Variants in RNF169 observed in about 807,000 individuals in gnomAD.
The protein encoded by RNF169 is ring finger protein 169.
In RNF169, 24 loss-of-function variants were observed where a neutral mutation model predicts 53.9. That is an observed-to-expected ratio of 0.45 (90% confidence interval 0.32 to 0.63). The LOEUF is 0.63. RNF169 is among the 20% of genes least tolerant of loss of function. The pLI, the probability that RNF169 is intolerant of heterozygous loss-of-function variation, is 0.04. For synonymous variants in RNF169, 396 were observed against 363.5 expected (o/e 1.09, Z -1.02); for missense variants, 883 against 906.2 (o/e 0.97, Z 0.33).
chr11:74,777,851 C>T (rs370235822), intron 1 of RNF169, among the ~76,000 whole-genome samples: 5 of 152,100 alleles, frequency 3.3e-5, no homozygotes, highest in South Asian at 2.1e-4. Flanking sequence ...TGGTCTCAAA[C>T]GGCTAGTCTA....
At chr11:74,796,528 C>T (rs749641991) in intron 2 of RNF169, among the ~76,000 whole-genome samples, 1 of 152,172 alleles carries the variant, frequency 6.6e-6, no homozygotes, top group Non-Finnish European at 1.5e-5. Flanking sequence ...ATTATATACA[C>T]CATTATTTCT....
Position 74,789,705 on chromosome 11 carries a change from G to T in RNF169, c.576+6G>T. 1 of 1,534,090 alleles carries T rather than the reference G, an allele frequency of 6.5e-7. No homozygotes were observed. Among genetic ancestry groups the T allele is most frequent in the East Asian group, 2.2e-5 (1 of 44,478 alleles). On this transcript the variant is annotated splice_donor_region_variant and intron_variant, in intron 2 of 5. Coordinates refer to ENST00000299563, the MANE Select transcript of RNF169 (RefSeq NM_001098638.2). ...AATATGAAAGCTTGAGAAAGGTATA[G>T]TATTATCATGTCATTCATTTTCTTA...
chr11:74,765,534 C>T (rs2035159761), intron 1 of RNF169, among the ~76,000 whole-genome samples: 1 of 152,144 alleles, frequency 6.6e-6, no homozygotes, highest in Non-Finnish European at 1.5e-5. Context: ...GGTGCGGTGG[C>T]TCACGCCTGC....
chr11:74,820,669 C>T (rs2035997970), intron 4 of RNF169, among the ~76,000 whole-genome samples: 1 of 151,992 alleles, frequency 6.6e-6, no homozygotes, highest in African/African-American at 2.4e-5. Context: ...TACCAGCCTG[C>T]TTATTAAGAG....
At chr11:74,797,961 G>A (rs184791988) in intron 2 of RNF169, among the ~76,000 whole-genome samples, 56 of 152,174 alleles carry the variant, frequency 3.7e-4, no homozygotes, top group African/African-American at 1.3e-3. Context: ...CATAAGTTTC[G>A]AAGATTTCAT....
At chr11:74,793,938 A>C (rs1396899520) in intron 2 of RNF169, among the ~76,000 whole-genome samples, 5 of 152,180 alleles carry the variant, frequency 3.3e-5, no homozygotes, top group Admixed American at 2.6e-4. Context: ...TTACTTATGC[A>C]TGCAGACACA....
At chr11:74,785,322 ATATT>A (rs1395740821) in intron 1 of RNF169, among the ~76,000 whole-genome samples, 1 of 145,818 alleles carries the variant, frequency 6.9e-6, no homozygotes, top group African/African-American at 2.5e-5. Context: ...TATGTTATAT[ATATT>A]ATATATAAAA....
rs548381065 is a variant in RNF169 at position 74,841,611 on chromosome 11, CTG to C, written c.*4883_*4884del. The C allele has an allele frequency of 5.9e-5, 9 of 152,288 alleles. No homozygotes were observed. The South Asian group carries it at 1.7e-3, about 28-fold the overall frequency. The allele number at this position is 152,288 out of a possible 1,614,324, so 9.4% of individuals were successfully genotyped here. A position where few individuals can be genotyped will look rare whatever the true frequency, so the allele number is the denominator to read the frequency against. ...TTTTAAGTAAGGTGGCAACTTTTAACTGTCATCTTGTGAGAGGCAACCTCAAA... is the reference window on the plus strand; with the variant it reads ...TTTTAAGTAAGGTGGCAACTTTTAACTCATCTTGTGAGAGGCAACCTCAAA... On this transcript the variant is annotated 3_prime_UTR_variant, in exon 6 of 6. Coordinates refer to ENST00000299563, the MANE Select transcript of RNF169 (RefSeq NM_001098638.2).
At chr11:74,769,069 A>G (rs570058980) in intron 1 of RNF169, among the ~76,000 whole-genome samples, 4 of 152,260 alleles carry the variant, frequency 2.6e-5, no homozygotes, top group African/African-American at 9.6e-5. Context: ...AGAAACAGAA[A>G]AAGAGATTAA....
chr11:74,792,112 A>G (rs528882713), intron 2 of RNF169, among the ~76,000 whole-genome samples: 2 of 152,330 alleles, frequency 1.3e-5, no homozygotes, highest in Non-Finnish European at 2.9e-5. Flanking sequence ...TCAGATGTTG[A>G]CCTGAATCTT....
At chr11:74,834,617 T>A in intron 4 of RNF169, 59 bp from the exon 5 acceptor site, 1 of 1,247,574 alleles carries the variant, frequency 8.0e-7, no homozygotes, top group Non-Finnish European at 1.1e-6. Flanking sequence ...TGTCATCCTT[T>A]TTCCTTACCT....
chr11:74,834,623 T>C, intron 4 of RNF169, 53 bp from the exon 5 acceptor site: 1 of 1,298,334 alleles, frequency 7.7e-7, no homozygotes, highest in Non-Finnish European at 1.1e-6. Flanking sequence ...CCTTTTTCCT[T>C]ACCTATATAT....
In RNF169 at chr11:74,841,295, G is replaced by A. The variant is rs1369426045; in HGVS notation, c.*4565G>A. On this transcript the variant is annotated 3_prime_UTR_variant, in exon 6 of 6. Transcript: ENST00000299563. ...ATTCTCAAAAGAGAAAGCAGGTCTG[G>A]GGCGGGGTGGTCAGGAGACAGATTC... 6.6e-6 allele frequency: 1 copy of A among 152,162 alleles called. No individual in the cohort carries two copies. The highest frequency in any genetic ancestry group is 1.9e-4 in the East Asian group (1 of 5,194). 9.4% of individuals were successfully genotyped at this position (152,162 alleles called of 1,614,324 possible). A position where few individuals can be genotyped will look rare whatever the true frequency, so the allele number is the denominator to read the frequency against.
intron 2 of RNF169, among the ~76,000 whole-genome samples, chr11:74,793,241 G>A (rs2035603888): frequency 6.6e-6 from 1 of 152,212 alleles, no homozygotes; most frequent in Non-Finnish European, 1.5e-5. Flanking sequence ...GGGATTAGCA[G>A]TAAATGGGAA....
At chr11:74,775,263 G>A (rs2035316338) in intron 1 of RNF169, among the ~76,000 whole-genome samples, 1 of 152,096 alleles carries the variant, frequency 6.6e-6, no homozygotes, top group Admixed American at 6.5e-5. Flanking sequence ...CACCTGTGGA[G>A]GTATTGATCT....
In RNF169 at chr11:74,764,101, A is replaced by G. The variant is rs570743233; in HGVS notation, c.502+14719A>G. Among the ~76,000 whole-genome samples the G allele has an allele frequency of 7.9e-5, 12 of 152,366 alleles. No individual in the cohort carries two copies. In the South Asian group the frequency reaches 2.3e-3, roughly 29 times the overall value. ...TTCAGAACACCAAAGACTATTAAGT[A>G]TAACCAAAAATGAAAGACAGAGGAG... On this transcript the variant is annotated intron_variant, in intron 1 of 5. Coordinates refer to ENST00000299563, the MANE Select transcript of RNF169 (RefSeq NM_001098638.2).
At chr11:74,776,835 C>T (rs528790899) in intron 1 of RNF169, among the ~76,000 whole-genome samples, 66 of 152,178 alleles carry the variant, frequency 4.3e-4, no homozygotes, top group African/African-American at 1.5e-3. Context: ...CTAGTGGAGG[C>T]AGGATATGGC....
chr11:74,783,768 G>C (rs141041829), intron 1 of RNF169, among the ~76,000 whole-genome samples: 320 of 152,264 alleles, frequency 2.1e-3, no homozygotes, highest in African/African-American at 5.4e-3. Context: ...GGTGGAGGAA[G>C]CTGACATGTG....
intron 1 of RNF169, among the ~76,000 whole-genome samples, chr11:74,778,702 A>T (rs2035372994): frequency 6.6e-6 from 1 of 152,068 alleles, no homozygotes; most frequent in South Asian, 2.1e-4. Context: ...TTATCTAACA[A>T]CCGCCACCTG....
Sources: allele counts gnomAD v4.1 joint callset (sites outside exome capture counted in the v4.1 genomes callset), GRCh38; gene constraint gnomAD v4.1.1; transcripts MANE v1.5; gene names NCBI Gene and HGNC (gene_info 2026-07-23, HGNC 2026-07-21).